RASSF8: variants seen among roughly 807,000 people sequenced by gnomAD.
RASSF8 encodes Ras association domain family member 8.
RASSF8 carries 22 observed loss-of-function variants against 48.5 expected under a neutral mutation model. The ratio of observed to expected loss-of-function variants is 0.45; its 90% CI spans 0.32 to 0.65. The LOEUF (loss-of-function observed/expected upper bound fraction) is 0.65. Ranked by LOEUF, RASSF8 falls within the 30% of genes least tolerant of loss-of-function variation. The pLI, the probability that RASSF8 is intolerant of heterozygous loss-of-function variation, is 0.03. For missense variants in RASSF8, 418 were observed against 489.2 expected (o/e 0.85, Z 1.37); for synonymous variants, 127 against 171.5 (o/e 0.74, Z 2.03).
At chr12:26,055,098 T>A (rs1198026630) in intron 2 of RASSF8, 138 bp from the exon 3 acceptor site, 1 of 464,672 alleles carries the variant, frequency 2.2e-6, no homozygotes, top group Non-Finnish European at 3.9e-6. Flanking sequence ...TTGTGTTGCT[T>A]AATTCATTTC....
chr12:25,988,775 A>C (rs960269302), intron 1 of RASSF8, among the ~76,000 whole-genome samples: 1 of 152,160 alleles, frequency 6.6e-6, no homozygotes, highest in African/African-American at 2.4e-5. Context: ...GGGACCATAA[A>C]GAAGAAATGG....
chr12:26,007,110 G>T (rs1188384988), intron 2 of RASSF8, among the ~76,000 whole-genome samples: 3 of 151,978 alleles, frequency 2.0e-5, no homozygotes, highest in African/African-American at 7.3e-5. Context: ...GGAGGGAGGA[G>T]GTGCCAGGCT....
intron 1 of RASSF8, chr12:25,973,991 G>C (rs1941544463): frequency 6.6e-6 from 1 of 152,034 alleles, no homozygotes; most frequent in Admixed American, 6.5e-5. Context: ...ATGAGAGAAG[G>C]GTGTTATTAG....
At position 26,072,531 on chromosome 12, in the gene RASSF8, TG is replaced by T. The variant is rs564691244; in HGVS notation, c.*3719del. The T allele has an allele frequency of 3.5e-4, 344 of 980,506 alleles. No individual in the cohort carries two copies. In the African/African-American group the frequency reaches 5.9e-3, roughly 17 times the overall value. The allele number at this position is 980,506 out of a possible 1,614,324, so 60.7% of individuals were successfully genotyped here. On this transcript the variant is annotated 3_prime_UTR_variant, in exon 6 of 6. Coordinates refer to ENST00000689635, the MANE Select transcript of RASSF8 (RefSeq NM_001394098.1). The stretch of plus-strand genomic sequence containing the variant: ...AGGCAATAAAGTATATACATATATA[TG>T]GGGGGAGGGGAAAGATTAAAAAATA...
chr12:26,045,050 T>G (rs1943343429), intron 2 of RASSF8, among the ~76,000 whole-genome samples: 1 of 152,194 alleles, frequency 6.6e-6, no homozygotes, highest in Non-Finnish European at 1.5e-5. Flanking sequence ...ACTTAATTAT[T>G]TAATTGGCTT....
At chr12:26,010,172 C>A (rs926135280) in intron 2 of RASSF8, among the ~76,000 whole-genome samples, 1 of 151,008 alleles carries the variant, frequency 6.6e-6, no homozygotes, top group Non-Finnish European at 1.5e-5. Flanking sequence ...TCCTTACTGT[C>A]CAACATTTGT....
intron 5 of RASSF8, among the ~76,000 whole-genome samples, chr12:26,078,747 A>G (rs967554888): frequency 6.6e-6 from 1 of 152,192 alleles, no homozygotes; most frequent in South Asian, 2.1e-4. Context: ...ATTGGATTTA[A>G]TGGTGCCTTC....
chr12:26,028,089 A>C (rs571739600), intron 2 of RASSF8, among the ~76,000 whole-genome samples: 17 of 152,346 alleles, frequency 1.1e-4, no homozygotes, highest in African/African-American at 3.8e-4. Flanking sequence ...AGCAGGGGAC[A>C]GATTATAGTT....
intron 1 of RASSF8, among the ~76,000 whole-genome samples, chr12:25,988,766 G>A (rs1941947198): frequency 6.6e-6 from 1 of 152,054 alleles, no homozygotes; most frequent in African/African-American, 2.4e-5. Flanking sequence ...CTAGGTGGTG[G>A]GACCATAAAG....
chr12:26,023,268 A>C (rs1942829062), intron 2 of RASSF8, among the ~76,000 whole-genome samples: 1 of 152,236 alleles, frequency 6.6e-6, no homozygotes, highest in African/African-American at 2.4e-5. Flanking sequence ...AAAACTTCTG[A>C]GATTTGATAG....
chr12:26,011,442 C>T (rs1248053798), intron 2 of RASSF8, among the ~76,000 whole-genome samples: 1 of 152,138 alleles, frequency 6.6e-6, no homozygotes, highest in Non-Finnish European at 1.5e-5. Context: ...TCTTCTAAGC[C>T]TTGCTTCCTC....
chr12:26,072,597 C>G lies in RASSF8; in HGVS notation c.*3779C>G, dbSNP rs1435847500. Reference sequence around the variant, plus strand: ...CATGGTGATAGCCCTAAATGTATTTCTCAATATGTTTTTCTTTATTGACCC... The same window carrying G: ...CATGGTGATAGCCCTAAATGTATTTGTCAATATGTTTTTCTTTATTGACCC... On this transcript the variant is annotated 3_prime_UTR_variant, in exon 6 of 6. Coordinates refer to ENST00000689635, the MANE Select transcript of RASSF8 (RefSeq NM_001394098.1). The G allele has an allele frequency of 1.0e-6, 1 of 985,142 alleles. No homozygotes were observed. The highest frequency in any genetic ancestry group is 1.2e-6 in the Non-Finnish European group (1 of 829,880). 61.0% of individuals were successfully genotyped at this position (985,142 alleles called of 1,614,324 possible).
At chr12:26,009,234 T>G (rs1942465735) in intron 2 of RASSF8, among the ~76,000 whole-genome samples, 1 of 152,230 alleles carries the variant, frequency 6.6e-6, no homozygotes, top group South Asian at 2.1e-4. Flanking sequence ...TCCACACTCA[T>G]GATGGAATTT....
intron 2 of RASSF8, among the ~76,000 whole-genome samples, chr12:26,023,347 A>G (rs917304751): frequency 6.6e-6 from 1 of 152,238 alleles, no homozygotes; most frequent in South Asian, 2.1e-4. Flanking sequence ...ACATCATAGT[A>G]AAAATGCTGA....
chr12:26,030,945 T>C (rs1023822296), intron 2 of RASSF8, among the ~76,000 whole-genome samples: 2 of 152,120 alleles, frequency 1.3e-5, no homozygotes, highest in African/African-American at 4.8e-5. Context: ...TTCAACTTTA[T>C]TTACAAACCA....
At chr12:25,999,778 A>T (rs1259279811) in intron 2 of RASSF8, among the ~76,000 whole-genome samples, 1 of 152,222 alleles carries the variant, frequency 6.6e-6, no homozygotes, top group Non-Finnish European at 1.5e-5. Flanking sequence ...AATCATGTAA[A>T]TATCATGATC....
chr12:26,075,265 CAGTG>C (rs1944062130), downstream of RASSF8, among the ~76,000 whole-genome samples: 1 of 152,206 alleles, frequency 6.6e-6, no homozygotes, highest in African/African-American at 2.4e-5. Flanking sequence ...GTGGGTCTCT[CAGTG>C]AGTAGTCACA....
downstream of RASSF8, among the ~76,000 whole-genome samples, chr12:26,074,270 C>A (rs1393578488): frequency 6.6e-6 from 1 of 152,188 alleles, no homozygotes; most frequent in East Asian, 1.9e-4. Context: ...TGCGTTTATA[C>A]TTTCTACAGA....
chr12:26,073,807 CATAT>C (rs1491253973), downstream of RASSF8, among the ~76,000 whole-genome samples: 3 of 119,660 alleles, frequency 2.5e-5, no homozygotes, highest in African/African-American at 7.6e-5. Context: ...TATACACACA[CATAT>C]ATATACACAT....
Sources: allele counts gnomAD v4.1 joint callset (sites outside exome capture counted in the v4.1 genomes callset), GRCh38; gene constraint gnomAD v4.1.1; transcripts MANE v1.5; gene names NCBI Gene and HGNC (gene_info 2026-07-23, HGNC 2026-07-21).